Variants in NYAP2 observed in about 807,000 individuals in gnomAD.
The protein encoded by NYAP2 is neuronal tyrosine-phosphorylated phosphoinositide-3-kinase adaptor 2.
A neutral mutation model predicts 50.4 loss-of-function variants in NYAP2; 23 were observed. The observed-to-expected ratio is 0.46, with a 90% confidence interval of 0.33 to 0.65. NYAP2 has a LOEUF of 0.65. Ranked by LOEUF, NYAP2 falls within the 30% of genes least tolerant of loss-of-function variation. The probability of loss-of-function intolerance (pLI) is 0.02; values close to 1 mark genes in which losing one functional copy is unlikely to be tolerated. For missense variants in NYAP2, 885 were observed against 861.0 expected, an observed-to-expected ratio of 1.03 and a Z score of -0.35; for synonymous variants, 394 against 365.2, an observed-to-expected ratio of 1.08 and a Z score of -0.90.
the NYAP2 span, among the ~76,000 whole-genome samples, chr2:225,692,326 T>C: frequency 6.6e-6 from 1 of 152,178 alleles, no homozygotes; most frequent in Admixed American, 6.6e-5. Flanking sequence ...GGAGATTTAT[T>C]ATGGCACTGC....
intron 4 of NYAP2, among the ~76,000 whole-genome samples, chr2:225,566,055 C>A (rs995061767): frequency 2.0e-5 from 3 of 152,084 alleles, no homozygotes; most frequent in African/African-American, 7.2e-5. Flanking sequence ...TTCTCTATAA[C>A]TATATTTTAA....
At chr2:225,511,771 C>T (rs1430281948) in intron 3 of NYAP2, among the ~76,000 whole-genome samples, 1 of 152,074 alleles carries the variant, frequency 6.6e-6, no homozygotes, top group African/African-American at 2.4e-5. Flanking sequence ...ATTGTTCCTA[C>T]TGGAATGTTA....
chr2:225,513,680 A>G lies in NYAP2; in HGVS notation c.523+8A>G, dbSNP rs1295913229. The G allele has an allele frequency of 6.7e-7, 1 of 1,494,842 alleles. No homozygotes were observed. Among genetic ancestry groups the G allele is most frequent in the African/African-American group, 1.4e-5 (1 of 70,650 alleles). 92.6% of individuals were successfully genotyped at this position (1,494,842 alleles called of 1,614,324 possible). A position where few individuals can be genotyped will look rare whatever the true frequency, so the allele number is the denominator to read the frequency against. On this transcript the variant is annotated splice_region_variant and intron_variant, in intron 4 of 6. Transcript: ENST00000636099. ...CCCCTGAGAGGACTGAAGGTAAAAC[A>G]CGCCATGTCCATGTCACCTAGAAAT...
the NYAP2 span, among the ~76,000 whole-genome samples, chr2:225,662,942 G>A: frequency 3.3e-5 from 5 of 152,228 alleles, no homozygotes; most frequent in African/African-American, 7.2e-5. Context: ...TCCAGGCCTC[G>A]CGGAATTTCC....
At chr2:225,447,450 T>C (rs1689580190) in intron 3 of NYAP2, among the ~76,000 whole-genome samples, 1 of 152,180 alleles carries the variant, frequency 6.6e-6, no homozygotes, top group Admixed American at 6.5e-5. Context: ...AAGCTTATTA[T>C]ATAGATGGAG....
chr2:225,495,958 C>T (rs960664964), intron 3 of NYAP2, among the ~76,000 whole-genome samples: 8 of 152,134 alleles, frequency 5.3e-5, no homozygotes, highest in South Asian at 2.1e-4. Flanking sequence ...TCTTGACCTC[C>T]GCATTTGACA....
chr2:225,532,875 C>A (rs1454593613), intron 4 of NYAP2, among the ~76,000 whole-genome samples: 1 of 152,082 alleles, frequency 6.6e-6, no homozygotes, highest in Non-Finnish European at 1.5e-5. Flanking sequence ...CAGTGATGCC[C>A]TTGAAGATGT....
intron 2 of NYAP2, among the ~76,000 whole-genome samples, chr2:225,401,382 T>C (rs1694859310): frequency 6.6e-6 from 1 of 152,110 alleles, no homozygotes; most frequent in Non-Finnish European, 1.5e-5. Context: ...ATGCTAGCTA[T>C]TTATCCGCTA....
chr2:225,620,441 ACGCACACGCACGCACACACGCG>A (rs1469978144), intron 5 of NYAP2, among the ~76,000 whole-genome samples: 41 of 108,568 alleles, frequency 3.8e-4, no homozygotes, highest in Non-Finnish European at 5.6e-4. Context: ...GCACACACGC[ACGCACACGCACGCACACACGCG>A]CATGCACACG....
At chr2:225,531,893 CACAA>C (rs1691259929) in intron 4 of NYAP2, among the ~76,000 whole-genome samples, 1 of 152,190 alleles carries the variant, frequency 6.6e-6, no homozygotes, top group Non-Finnish European at 1.5e-5. Flanking sequence ...TTGATTGGTA[CACAA>C]ACTAATTATG....
intron 6 of NYAP2, among the ~76,000 whole-genome samples, chr2:225,633,036 A>C (rs1693349497): frequency 6.6e-6 from 1 of 152,230 alleles, no homozygotes; most frequent in Non-Finnish European, 1.5e-5. Flanking sequence ...GAAGACATGG[A>C]GTCTCACATC....
chr2:225,426,504 T>C (rs955638735), intron 3 of NYAP2, among the ~76,000 whole-genome samples: 2 of 152,140 alleles, frequency 1.3e-5, no homozygotes, highest in East Asian at 3.9e-4. Flanking sequence ...AATAAGTATA[T>C]CTGAGTGATT....
chr2:225,555,335 T>C (rs1691758454), intron 4 of NYAP2, among the ~76,000 whole-genome samples: 1 of 152,190 alleles, frequency 6.6e-6, no homozygotes, highest in Admixed American at 6.6e-5. Context: ...TTTTTCAAAT[T>C]ACATATAGGT....
intron 6 of NYAP2, among the ~76,000 whole-genome samples, chr2:225,645,378 A>G (rs1693614567): frequency 1.3e-5 from 2 of 152,250 alleles, no homozygotes; most frequent in South Asian, 4.1e-4. Flanking sequence ...TGTTTACTCA[A>G]AGGAGTTAAA....
the NYAP2 span, among the ~76,000 whole-genome samples, chr2:225,661,725 TC>T: frequency 1.1e-5 from 1 of 90,712 alleles, no homozygotes; most frequent in Admixed American, 1.5e-4. Flanking sequence ...ATTTGCTCTC[TC>T]TTTTTTTTTT....
At chr2:225,659,964 C>A in the NYAP2 span, among the ~76,000 whole-genome samples, 7 of 152,140 alleles carry the variant, frequency 4.6e-5, no homozygotes, top group African/African-American at 1.7e-4. Flanking sequence ...TGGTCCACCC[C>A]ACTATCCCCA....
chr2:225,646,708 G>A (rs887244790), intron 6 of NYAP2, among the ~76,000 whole-genome samples: 1 of 152,186 alleles, frequency 6.6e-6, no homozygotes, highest in Non-Finnish European at 1.5e-5. Context: ...ATTCCATGCT[G>A]GTATCGAACA....
chr2:225,678,530 AT>A, the NYAP2 span, among the ~76,000 whole-genome samples: 1 of 152,264 alleles, frequency 6.6e-6, no homozygotes, highest in Admixed American at 6.5e-5. Flanking sequence ...CTTAGAACCA[AT>A]TAATAGCAGT....
chr2:225,543,677 A>G (rs2106205360), intron 4 of NYAP2, among the ~76,000 whole-genome samples: 1 of 152,218 alleles, frequency 6.6e-6, no homozygotes. Context: ...TTTGTGACCT[A>G]TCATATGGTT....
Sources: allele counts gnomAD v4.1 joint callset (sites outside exome capture counted in the v4.1 genomes callset), GRCh38; gene constraint gnomAD v4.1.1; transcripts MANE v1.5; gene names NCBI Gene and HGNC (gene_info 2026-07-23, HGNC 2026-07-21).